ZNF28: variants seen among roughly 807,000 people sequenced by gnomAD.
ZNF28 encodes the protein zinc finger protein 28, also known as zinc finger protein KOX24.
ZNF28 carries 5 observed loss-of-function variants against 7.2 expected under a neutral mutation model. The ratio of observed to expected loss-of-function variants is 0.70; its 90% CI spans 0.36 to 1.46. ZNF28 has a LOEUF of 1.46. Among genes scored for constraint, ZNF28 ranks in the 40% most tolerant of loss-of-function variants. The probability of loss-of-function intolerance (pLI) is 0.03; values close to 1 mark genes in which losing one functional copy is unlikely to be tolerated. For synonymous variants in ZNF28, 288 were observed against 292.4 expected (o/e 0.99, Z 0.15); for missense variants, 879 against 866.6 (o/e 1.01, Z -0.18).
At chr19:52,815,102 T>C (rs2063105403) in intron 2 of ZNF28, among the ~76,000 whole-genome samples, 1 of 30,530 alleles carries the variant, frequency 3.3e-5, no homozygotes, top group African/African-American at 8.0e-5. Context: ...TATATATATT[T>C]ATATATATAT....
At chr19:52,820,605 C>T (rs909684739) in intron 1 of ZNF28, among the ~76,000 whole-genome samples, 1 of 152,008 alleles carries the variant, frequency 6.6e-6, no homozygotes, top group Admixed American at 6.6e-5. Flanking sequence ...CTCTGTTCTC[C>T]TTGCCACCAG....
Position 52,799,879 on chromosome 19 carries a change from G to C in ZNF28, c.1966C>G (p.Leu656Val), listed in dbSNP as rs1366041208. ...QMSSLVYHHR[L>V]HSGEKPYKCN... ...TTGTAAGGTTTCTCTCCACTATGAAGCCTATGATGGTATACGAGGGATGAC... is the reference window on the plus strand; with the variant it reads ...TTGTAAGGTTTCTCTCCACTATGAACCCTATGATGGTATACGAGGGATGAC... Residue 656 changes from leucine to valine, a missense_variant, in exon 4 of 4, where the codon CTT becomes GTT. By Grantham distance (32) the Leu-to-Val change is conservative. Coordinates refer to ENST00000457749, the MANE Select transcript of ZNF28 (RefSeq NM_006969.5). 17 of 1,611,920 alleles carry C rather than the reference G, an allele frequency of 1.1e-5. No homozygotes were observed. The highest frequency in any genetic ancestry group is 1.4e-5 in the Non-Finnish European group (16 of 1,179,380).
intron 1 of ZNF28, among the ~76,000 whole-genome samples, chr19:52,821,267 G>A (rs111405357): frequency 0.051 from 7,690 of 152,192 alleles, 241 homozygotes; most frequent in African/African-American, 0.09. Context: ...GGCGCACAGG[G>A]TGGGAATACA....
intron 2 of ZNF28, chr19:52,810,718 G>A (rs767439875): frequency 2.6e-5 from 19 of 733,570 alleles, no homozygotes; most frequent in Non-Finnish European, 4.4e-5. Context: ...AAAAAAATGT[G>A]TATTAGGAGA....
chr19:52,812,402 T>G (rs1024308069), intron 2 of ZNF28, among the ~76,000 whole-genome samples: 2 of 135,142 alleles, frequency 1.5e-5, no homozygotes, highest in Non-Finnish European at 3.1e-5. Flanking sequence ...TGGGAGACTT[T>G]TCATTTTGTT....
intron 3 of ZNF28, among the ~76,000 whole-genome samples, chr19:52,802,336 C>T (rs2062882250): frequency 6.6e-6 from 1 of 152,064 alleles, no homozygotes; most frequent in African/African-American, 2.4e-5. Context: ...CCACTGCACT[C>T]CAGCCCAGGT....
rs886426820 is a variant in ZNF28 at position 52,798,852 on chromosome 19, C to T, written c.*836G>A. On this transcript the variant is annotated 3_prime_UTR_variant, in exon 4 of 4. Coordinates refer to ENST00000457749, the MANE Select transcript of ZNF28 (RefSeq NM_006969.5). ...ACTTTGTGACAATCATTATATTAGTCAAGTTTCCCTATACTATGGATTGCT... is the reference window on the plus strand; with the variant it reads ...ACTTTGTGACAATCATTATATTAGTTAAGTTTCCCTATACTATGGATTGCT... 1.6e-6 allele frequency: 2 copies of T among 1,254,326 alleles called. No homozygotes were observed. The highest frequency in any genetic ancestry group is 3.0e-5 in the African/African-American group (2 of 66,228). The allele number at this position is 1,254,326 out of a possible 1,614,324, so 77.7% of individuals were successfully genotyped here.
chr19:52,810,909 C>A (rs1285649680), intron 2 of ZNF28, among the ~76,000 whole-genome samples: 1 of 92,608 alleles, frequency 1.1e-5, no homozygotes, highest in African/African-American at 4.7e-5. Context: ...CTCCCTCTCC[C>A]TCTCCCTCCA....
intron 2 of ZNF28, among the ~76,000 whole-genome samples, chr19:52,815,635 T>A (rs1260207643): frequency 6.8e-6 from 1 of 146,334 alleles, no homozygotes; most frequent in Non-Finnish European, 1.5e-5. Flanking sequence ...CCATCCTGGC[T>A]ACCACAATGA....
intron 2 of ZNF28, among the ~76,000 whole-genome samples, 158 bp downstream of exon 2, chr19:52,817,786 G>C (rs2063145855): frequency 6.6e-6 from 1 of 152,104 alleles, no homozygotes; most frequent in Admixed American, 6.5e-5. Flanking sequence ...ACCAGAGATG[G>C]AATCTAAGCG....
chr19:52,807,760 C>T, intron 3 of ZNF28: 2 of 644,614 alleles, frequency 3.1e-6, no homozygotes, highest in East Asian at 3.4e-5. Flanking sequence ...CAGGCGTGAG[C>T]CACCACGACC....
rs2062840070 is a variant in ZNF28 at position 52,799,930 on chromosome 19, C to T, written c.1915G>A (p.Glu639Lys). ...HTGEKPYKCN[E>K]CGKTFSQMSS... ...ATCTGACTGAAGGTCTTGCCACACT[C>T]ATTACACTTGTAAGGTTTCTCTCCA... The change falls in exon 4 of 4, where the codon GAG becomes AAG. Residue 639 changes from glutamate (E) to lysine (K), a missense_variant. By Grantham distance (56) the Glu-to-Lys change is moderately conservative. Transcript: ENST00000457749. The T allele has an allele frequency of 4.3e-6, 7 of 1,613,934 alleles. No homozygotes were observed. Among genetic ancestry groups the T allele is most frequent in the Non-Finnish European group, 5.1e-6 (6 of 1,179,876 alleles).
At chr19:52,812,364 G>A (rs2063062108) in intron 2 of ZNF28, among the ~76,000 whole-genome samples, 1 of 141,170 alleles carries the variant, frequency 7.1e-6, no homozygotes, top group Admixed American at 6.9e-5. Flanking sequence ...TCGGATGATT[G>A]CCGGGTCTGT....
chr19:52,799,722 T>C lies in ZNF28; in HGVS notation c.2123A>G (p.Tyr708Cys), dbSNP rs2062836885. 3 of 1,609,920 alleles carry C rather than the reference T, an allele frequency of 1.9e-6. No individual in the cohort carries two copies. Among genetic ancestry groups the C allele is most frequent in the Non-Finnish European group, 2.5e-6 (3 of 1,177,226 alleles). ...KTFSQMSNLV[Y>C]HHRLHSGEKP ...CTCTCCACTATGAAGTCTATGATGG[T>C]ATACAAGGTTTGACATCTGACTGAA... Residue 708 changes from tyrosine (Y) to cysteine (C), a missense_variant, in exon 4 of 4, where the codon TAC (tyrosine) becomes TGC (cysteine). Around this residue, in one of 2 missense-constraint regions of ZNF28, gnomAD observed 15 missense variants for 36.4 expected, o/e 0.41. Coordinates refer to ENST00000457749, the MANE Select transcript of ZNF28 (RefSeq NM_006969.5).
At chr19:52,816,949 C>A (rs2063133523) in intron 2 of ZNF28, among the ~76,000 whole-genome samples, 1 of 151,606 alleles carries the variant, frequency 6.6e-6, no homozygotes, top group African/African-American at 2.4e-5. Context: ...AAATTGCAAC[C>A]ACTTTTACCA....
rs1017192037 is a variant in ZNF28 at position 52,801,423 on chromosome 19, C to A, written c.422G>T (p.Gly141Val). The A allele has an allele frequency of 6.2e-7, 1 of 1,614,184 alleles. No homozygotes were observed. Residue 141 changes from glycine to valine, a missense_variant, in exon 4 of 4, where the codon GGA (glycine) becomes GTA (valine). By Grantham distance (109) the Gly-to-Val change is moderately radical. Transcript: ENST00000457749. The part of the protein sequence containing the change: ...AGNKHIKDQL[G>V]LSFHSHLPEL... ...AGGCAGATGCGAATGAAAGCTTAATCCAAGCTGATCTTTAATATGCTTGTT... is the reference window on the plus strand; with the variant it reads ...AGGCAGATGCGAATGAAAGCTTAATACAAGCTGATCTTTAATATGCTTGTT...
Position 52,799,446 on chromosome 19 carries a change from T to C in ZNF28, c.*242A>G, listed in dbSNP as rs185550273. 7.6e-5 allele frequency: 60 copies of C among 789,980 alleles called. No individual in the cohort carries two copies. The African/African-American group carries it at 9.1e-4, about 12-fold the overall frequency. The allele number at this position is 789,980 out of a possible 1,614,324, so 48.9% of individuals were successfully genotyped here. ...ACATTCTTCCTATTTGTAAAGTTTCTCTGCAGTATGAATTCTATGATGACG... is the reference window on the plus strand; with the variant it reads ...ACATTCTTCCTATTTGTAAAGTTTCCCTGCAGTATGAATTCTATGATGACG... On this transcript the variant is annotated 3_prime_UTR_variant, in exon 4 of 4. Transcript: ENST00000457749.
Position 52,801,030 on chromosome 19 carries a change from TTG to T in ZNF28, c.813_814del (p.Tyr271Ter), listed in dbSNP as rs753413466. ...AAAGATCTTGCCACACTCATTACACTTGTAAGGTTTCTCATCAATGTGAGATC... is the reference window on the plus strand; with the variant it reads ...AAAGATCTTGCCACACTCATTACACTTAAGGTTTCTCATCAATGTGAGATC... On this transcript the variant is annotated stop_gained and frameshift_variant, in exon 4 of 4. Transcript: ENST00000457749. LOFTEE classifies it low-confidence loss of function (END_TRUNC). 1 of 1,614,178 alleles carries T rather than the reference TTG, an allele frequency of 6.2e-7. No individual in the cohort carries two copies. The highest frequency in any genetic ancestry group is 1.7e-5 in the Admixed American group (1 of 60,022).
intron 3 of ZNF28, chr19:52,805,273 G>GAAAAAAAAA (rs144324536): frequency 7.3e-6 from 1 of 137,830 alleles, no homozygotes; most frequent in Non-Finnish European, 1.6e-5. Flanking sequence ...CTGTCTCAAA[G>GAAAAAAAAA]AAAAAAAAAA....
Sources: gnomAD v4.1 joint callset for allele counts (sites outside exome capture counted in the v4.1 genomes callset) on GRCh38, gnomAD v4.1.1 for gene constraint, gnomAD v4.1.1 regional missense constraint, MANE v1.5 for transcripts, NCBI Gene and HGNC (gene_info 2026-07-23, HGNC 2026-07-21) for gene names.